ARHGAP17: variants seen among roughly 807,000 people sequenced by gnomAD.
The protein encoded by ARHGAP17 is Rho GTPase activating protein 17.
A neutral mutation model predicts 99.5 loss-of-function variants in ARHGAP17; 57 were observed. The ratio of observed to expected loss-of-function variants is 0.57; its 90% CI spans 0.46 to 0.71. ARHGAP17 has a LOEUF of 0.71. ARHGAP17 is among the 30% of genes least tolerant of loss of function. The probability of loss-of-function intolerance (pLI) is 0.00; values close to 1 mark genes in which losing one functional copy is unlikely to be tolerated. For missense variants in ARHGAP17, 1,000 were observed against 1,122.4 expected (o/e 0.89, Z 1.56); for synonymous variants, 417 against 429.6 (o/e 0.97, Z 0.36).
At chr16:24,973,833 T>C (rs1194270259) in intron 3 of ARHGAP17, among the ~76,000 whole-genome samples, 1 of 152,260 alleles carries the variant, frequency 6.6e-6, no homozygotes, top group Non-Finnish European at 1.5e-5. Flanking sequence ...TATTTGTTTC[T>C]ATTGAATATA....
intron 7 of ARHGAP17, among the ~76,000 whole-genome samples, chr16:24,961,488 G>C (rs1452284580): frequency 7.8e-6 from 1 of 128,964 alleles, no homozygotes; most frequent in Non-Finnish European, 1.6e-5. Flanking sequence ...AACAGAGCAA[G>C]ATCTAGTCTC....
intron 18 of ARHGAP17, among the ~76,000 whole-genome samples, chr16:24,932,672 AAT>A (rs1228157861): frequency 6.6e-6 from 1 of 152,070 alleles, no homozygotes; most frequent in Non-Finnish European, 1.5e-5. Context: ...GTTGCCTTAG[AAT>A]TATTTCTCTA....
chr16:24,939,496 T>A lies in ARHGAP17; in HGVS notation c.1592A>T (p.Asp531Val), dbSNP rs777033645. Reference protein sequence around the residue: ...PAFQPPLPPTDGSTVVPAGPE... With the variant: ...PAFQPPLPPTVGSTVVPAGPE... ...GCCAGCGGGCACCACGGTGCTGCCA[T>A]CTGTGGGCGGAAGTGGCGGCTGGAA... Residue 531 changes from aspartate (D) to valine (V), a missense_variant, in exon 17 of 20, where the codon GAT (aspartate) becomes GTT (valine). Physicochemically the swap from Asp to Val is radical, Grantham distance 152. Around this residue, in one of 2 missense-constraint regions of ARHGAP17, gnomAD observed 528 missense variants for 511.4 expected, o/e 1.03. Transcript: ENST00000289968. The A allele has an allele frequency of 6.2e-7, 1 of 1,612,034 alleles. No individual in the cohort carries two copies. Among genetic ancestry groups the A allele is most frequent in the South Asian group, 1.1e-5 (1 of 90,360 alleles).
intron 1 of ARHGAP17, among the ~76,000 whole-genome samples, chr16:24,994,472 G>C (rs1014046066): frequency 2.0e-5 from 3 of 152,128 alleles, no homozygotes; most frequent in Non-Finnish European, 4.4e-5. Context: ...TCATGAGTAA[G>C]ATAGGGCCCC....
chr16:24,964,794 G>T (rs2052122557), intron 6 of ARHGAP17, among the ~76,000 whole-genome samples: 1 of 152,144 alleles, frequency 6.6e-6, no homozygotes. Context: ...CTTTCAGAAA[G>T]TAAAAGCCAG....
chr16:25,004,025 T>A (rs903797787), intron 1 of ARHGAP17, among the ~76,000 whole-genome samples: 14 of 152,056 alleles, frequency 9.2e-5, no homozygotes, highest in African/African-American at 2.9e-4. Context: ...TTTCCCAATT[T>A]ACAAACAAAA....
chr16:25,015,311 G>GGACAGCCTGGC lies in ARHGAP17; in HGVS notation c.-61_-51dup. The GGACAGCCTGGC allele has an allele frequency of 7.8e-7, 1 of 1,281,900 alleles. No homozygotes were observed. The highest frequency in any genetic ancestry group is 9.9e-7 in the Non-Finnish European group (1 of 1,010,492). The allele number at this position is 1,281,900 out of a possible 1,614,324, so 79.4% of individuals were successfully genotyped here. ...CGGGGCTCGGGCCGGGCAGGGCGGG[G>GGACAGCCTGGC]GACAGCCTGGCAGCTACTACATCGC... is the stretch of plus-strand genomic sequence containing the variant. On this transcript the variant is annotated 5_prime_UTR_variant, in exon 1 of 20. Transcript: ENST00000289968.
At chr16:24,996,677 G>C (rs767039314) in intron 1 of ARHGAP17, among the ~76,000 whole-genome samples, 3 of 152,162 alleles carry the variant, frequency 2.0e-5, no homozygotes, top group Non-Finnish European at 4.4e-5. Flanking sequence ...CCTAAGAGCG[G>C]GGTAATCTCT....
rs1199648762 is a variant in ARHGAP17, at chr16:24,955,928, T to A, written c.725-1198A>T. 1 of 152,126 alleles carries A rather than the reference T, an allele frequency of 6.6e-6. No individual in the cohort carries two copies. Among genetic ancestry groups the A allele is most frequent in the Non-Finnish European group, 1.5e-5 (1 of 68,064 alleles). 9.4% of individuals were successfully genotyped at this position (152,126 alleles called of 1,614,324 possible). On this transcript the variant is annotated intron_variant, in intron 9 of 19. Coordinates refer to ENST00000289968, the MANE Select transcript of ARHGAP17 (RefSeq NM_001006634.3). The surrounding 1 kb of genome is among the most constrained non-coding windows in gnomAD (Gnocchi z 4.0). ...AGGAAGGTGGGGGACAAAAATGAGG[T>A]GCAGGCCACCAGCCACTCTCAGAAT... is the stretch of plus-strand genomic sequence containing the variant.
intron 13 of ARHGAP17, chr16:24,949,187 C>T (rs561799578): frequency 2.0e-5 from 8 of 403,614 alleles, no homozygotes; most frequent in Admixed American, 1.7e-4. Flanking sequence ...AGCCAACTTA[C>T]GTATTAATGT....
intron 18 of ARHGAP17, among the ~76,000 whole-genome samples, 170 bp from the exon 19 acceptor site, chr16:24,931,574 T>G (rs961038838): frequency 6.6e-6 from 1 of 151,990 alleles, no homozygotes; most frequent in Non-Finnish European, 1.5e-5. Context: ...CCAAAGCCCA[T>G]AACCCATCAG....
intron 3 of ARHGAP17, among the ~76,000 whole-genome samples, chr16:24,976,399 G>A (rs970731000): frequency 2.0e-5 from 3 of 152,150 alleles, no homozygotes; most frequent in Admixed American, 2.0e-4. Context: ...GCATGGTGGT[G>A]TGTACTGTGG....
At chr16:24,960,319 C>T (rs1178313609) in intron 7 of ARHGAP17, among the ~76,000 whole-genome samples, 1 of 152,112 alleles carries the variant, frequency 6.6e-6, no homozygotes, top group East Asian at 1.9e-4. Flanking sequence ...CTGAGATGGG[C>T]AGATTACCTG....
chr16:24,932,875 A>G (rs1200418187), intron 18 of ARHGAP17, among the ~76,000 whole-genome samples: 1 of 152,222 alleles, frequency 6.6e-6, no homozygotes, highest in African/African-American at 2.4e-5. Context: ...TCTAAGAAAG[A>G]AGGAGAAGGA....
chr16:24,950,734 G>A (rs1188664304), intron 12 of ARHGAP17, among the ~76,000 whole-genome samples: 1 of 151,468 alleles, frequency 6.6e-6, no homozygotes, highest in Non-Finnish European at 1.5e-5. Flanking sequence ...CTACTCAGGA[G>A]GCTGAGGCAG....
At chr16:25,004,422 T>C (rs1472358643) in intron 1 of ARHGAP17, among the ~76,000 whole-genome samples, 2 of 152,150 alleles carry the variant, frequency 1.3e-5, no homozygotes, top group African/African-American at 4.8e-5. Flanking sequence ...CTTCGGTGTA[T>C]TTCCCCAAAG....
intron 7 of ARHGAP17, among the ~76,000 whole-genome samples, chr16:24,962,431 T>C (rs59738853): frequency 0.069 from 10,581 of 152,274 alleles, 1,210 homozygotes; most frequent in African/African-American, 0.24. Context: ...TGTTTTGGAA[T>C]GGGCTTTAGG....
Position 24,954,596 on chromosome 16 carries a change from C to T in ARHGAP17, c.852+7G>A, listed in dbSNP as rs959625108. The T allele has an allele frequency of 9.1e-5, 147 of 1,611,454 alleles. 1 individual carries two copies. The East Asian group carries it at 3.2e-3, about 35-fold the overall frequency. The stretch of plus-strand genomic sequence containing the variant: ...CTTGGTGCACAGGATCACGAAGCTC[C>T]CCTCACCTCCTCCTTCATGCCTGTC... On this transcript the variant is annotated splice_region_variant and intron_variant, in intron 10 of 19. Transcript: ENST00000289968.
chr16:25,008,179 A>G lies in ARHGAP17; in HGVS notation c.53+7030T>C, dbSNP rs371824423. ...ATCCCTATCACCATTTTGTAATCCA[A>G]AAAGTTCTAAAAAACAAATCTTTTT... On this transcript the variant is annotated intron_variant, in intron 1 of 19. Coordinates refer to ENST00000289968, the MANE Select transcript of ARHGAP17 (RefSeq NM_001006634.3). Among the ~76,000 whole-genome samples, 36 of 152,354 alleles carry G rather than the reference A, an allele frequency of 2.4e-4. 1 individual carries two copies. In the South Asian group the frequency reaches 7.5e-3, roughly 32 times the overall value.
Sources: gnomAD v4.1 joint callset for allele counts (sites outside exome capture counted in the v4.1 genomes callset) on GRCh38, gnomAD v4.1.1 for gene constraint, gnomAD v4.1.1 regional missense constraint, Gnocchi (gnomAD v3.1) non-coding constraint, MANE v1.5 for transcripts, NCBI Gene and HGNC (gene_info 2026-07-23, HGNC 2026-07-21) for gene names.